Variants in PDGFD observed in about 807,000 individuals in gnomAD.
PDGFD encodes platelet derived growth factor D.
PDGFD carries 30 observed loss-of-function variants against 44.7 expected under a neutral mutation model. The ratio of observed to expected loss-of-function variants is 0.67; its 90% CI spans 0.50 to 0.91. The LOEUF (loss-of-function observed/expected upper bound fraction) is 0.91. PDGFD is among the 40% of genes least tolerant of loss of function. The probability of loss-of-function intolerance (pLI) is 0.00; values close to 1 mark genes in which losing one functional copy is unlikely to be tolerated. For synonymous variants in PDGFD, 173 were observed against 168.4 expected, an observed-to-expected ratio of 1.03 and a Z score of -0.21; for missense variants, 445 against 457.8, an observed-to-expected ratio of 0.97 and a Z score of 0.25.
At chr11:104,022,417 C>T (rs1456898936) in intron 1 of PDGFD, among the ~76,000 whole-genome samples, 1 of 152,122 alleles carries the variant, frequency 6.6e-6, no homozygotes, top group African/African-American at 2.4e-5. Flanking sequence ...ACAAATAGGA[C>T]TTCTTATAGG....
rs145435179 is a variant in PDGFD at position 104,140,660 on chromosome 11, A to G, written c.124+23144T>C. On this transcript the variant is annotated intron_variant, in intron 1 of 6. Transcript: ENST00000393158. ...ATCACTCCAATGCCAAACTCTCCCC[A>G]AAGACCAACTAGACATTTCTAACTA... 6.3e-3 allele frequency among the ~76,000 whole-genome samples: 966 copies of G among 152,210 alleles called. 8 individuals are homozygous for G. Among genetic ancestry groups the G allele is most frequent in the Non-Finnish European group, 9.1e-3 (619 of 68,012 alleles).
At chr11:103,927,554 A>G (rs1858339064) in intron 5 of PDGFD, among the ~76,000 whole-genome samples, 2 of 150,582 alleles carry the variant, frequency 1.3e-5, no homozygotes, top group South Asian at 4.2e-4. Context: ...TATATCTAGG[A>G]CACATTAGAG....
At chr11:104,103,365 T>G (rs1258984884) in intron 1 of PDGFD, among the ~76,000 whole-genome samples, 2 of 151,544 alleles carry the variant, frequency 1.3e-5, no homozygotes, top group Non-Finnish European at 2.9e-5. Context: ...TTTGTGTGTA[T>G]CCACTTATAC....
intron 1 of PDGFD, 100 bp from the exon 2 acceptor site, chr11:104,000,355 T>C (rs1334076116): frequency 9.6e-7 from 1 of 1,038,452 alleles, no homozygotes; most frequent in Non-Finnish European, 1.4e-6. Context: ...TCAAAACACT[T>C]CTTTATTTTG....
intron 1 of PDGFD, among the ~76,000 whole-genome samples, chr11:104,100,786 C>A (rs1861365719): frequency 6.6e-6 from 1 of 152,182 alleles, no homozygotes; most frequent in African/African-American, 2.4e-5. Flanking sequence ...GGATGCAAGA[C>A]TGGTTCAACA....
chr11:104,036,993 C>T, intron 1 of PDGFD: 1 of 1,614,254 alleles, frequency 6.2e-7, no homozygotes, highest in South Asian at 1.1e-5. Context: ...TCATCGAGGA[C>T]CACTGTTCCC....
chr11:103,963,113 C>A (rs1858964094), intron 3 of PDGFD, among the ~76,000 whole-genome samples: 1 of 152,122 alleles, frequency 6.6e-6, no homozygotes, highest in African/African-American at 2.4e-5. Context: ...CTTCGTGCTA[C>A]CTGTAAAGCT....
At chr11:103,970,570 T>G (rs1027734962) in intron 3 of PDGFD, among the ~76,000 whole-genome samples, 3 of 152,036 alleles carry the variant, frequency 2.0e-5, no homozygotes, top group African/African-American at 7.2e-5. Context: ...TGAGGGAGCT[T>G]AGAGAAAAGC....
At chr11:103,920,005 T>C (rs767430081) in intron 6 of PDGFD, among the ~76,000 whole-genome samples, 27 of 152,224 alleles carry the variant, frequency 1.8e-4, no homozygotes, top group Admixed American at 1.7e-3. Context: ...AGGGATAACA[T>C]ATTATTTCCT....
At chr11:103,974,708 G>A (rs1285069939) in intron 3 of PDGFD, among the ~76,000 whole-genome samples, 1 of 151,838 alleles carries the variant, frequency 6.6e-6, no homozygotes, top group Non-Finnish European at 1.5e-5. Context: ...TCCAACTTAT[G>A]AATGAGAACT....
chr11:104,002,725 A>G (rs61904890), intron 1 of PDGFD, among the ~76,000 whole-genome samples: 5,167 of 152,288 alleles, frequency 0.034, 134 homozygotes, highest in Non-Finnish European at 0.057. Context: ...TCACTTGAGT[A>G]TTACCCTTAC....
At chr11:104,039,750 GC>G (rs1451578496) in intron 1 of PDGFD, among the ~76,000 whole-genome samples, 4 of 152,000 alleles carry the variant, frequency 2.6e-5, no homozygotes, top group Non-Finnish European at 4.4e-5. Context: ...AATTTAAATT[GC>G]CCTGATAAAT....
At chr11:104,118,475 AT>A (rs1861674417) in intron 1 of PDGFD, among the ~76,000 whole-genome samples, 1 of 151,590 alleles carries the variant, frequency 6.6e-6, no homozygotes, top group African/African-American at 2.4e-5. Context: ...AGTTTATGTT[AT>A]CTTGTAACCT....
chr11:103,930,746 G>A, intron 5 of PDGFD, among the ~76,000 whole-genome samples: 1 of 152,102 alleles, frequency 6.6e-6, no homozygotes, highest in Non-Finnish European at 1.5e-5. Context: ...AAATGACCTG[G>A]CTTCCTAGGT....
intron 1 of PDGFD, among the ~76,000 whole-genome samples, chr11:104,090,667 T>C (rs1014058204): frequency 6.6e-6 from 1 of 151,332 alleles, no homozygotes; most frequent in Non-Finnish European, 1.5e-5. Context: ...CAAGGCACTG[T>C]GGAAAAATAT....
At chr11:104,000,942 G>T (rs536932031) in intron 1 of PDGFD, among the ~76,000 whole-genome samples, 1 of 151,784 alleles carries the variant, frequency 6.6e-6, no homozygotes, top group African/African-American at 2.4e-5. Context: ...AATTTCTCAC[G>T]TCATAGAAAT....
At chr11:103,971,785 T>C (rs1027453142) in intron 3 of PDGFD, among the ~76,000 whole-genome samples, 7 of 152,250 alleles carry the variant, frequency 4.6e-5, no homozygotes, top group Admixed American at 3.3e-4. Flanking sequence ...TCACAATTAT[T>C]ATATCAGCGA....
intron 1 of PDGFD, among the ~76,000 whole-genome samples, chr11:104,001,473 CCCAAATTTATAA>C (rs139614637): frequency 0.054 from 8,242 of 152,244 alleles, 227 homozygotes; most frequent in Middle Eastern, 0.082. Flanking sequence ...TATAGGGACT[CCCAAATTTATAA>C]CCAATTGGTC....
At chr11:103,918,842 T>C (rs1565284107) in intron 6 of PDGFD, among the ~76,000 whole-genome samples, 1 of 152,120 alleles carries the variant, frequency 6.6e-6, no homozygotes, top group Non-Finnish European at 1.5e-5. Flanking sequence ...CAAGGCTGAT[T>C]TGAGGGCATG....
Sources: allele counts gnomAD v4.1 joint callset (sites outside exome capture counted in the v4.1 genomes callset), GRCh38; gene constraint gnomAD v4.1.1; transcripts MANE v1.5; gene names NCBI Gene and HGNC (gene_info 2026-07-23, HGNC 2026-07-21).